HIVEP1: variants seen among roughly 807,000 people sequenced by gnomAD.
The protein encoded by HIVEP1 is HIVEP zinc finger 1.
A neutral mutation model predicts 180.0 loss-of-function variants in HIVEP1; 36 were observed. That is an observed-to-expected ratio of 0.20 (90% CI 0.15 to 0.26). HIVEP1 has a LOEUF of 0.26. Ranked by LOEUF, HIVEP1 falls within the 10% of genes least tolerant of loss-of-function variation. The pLI, the probability that HIVEP1 is intolerant of heterozygous loss-of-function variation, is 1.00. For synonymous variants in HIVEP1, 1,239 were observed against 1,239.0 expected, an observed-to-expected ratio of 1.00 and a Z score of 0.00; for missense variants, 3,143 against 3,268.7, an observed-to-expected ratio of 0.96 and a Z score of 0.94.
chr6:12,099,187 T>TG lies in HIVEP1; in HGVS notation c.94+9950_94+9951insG, dbSNP rs200507041. On this transcript the variant is annotated intron_variant, in intron 3 of 8. Transcript: ENST00000379388. ...GCCAGAGGGAAATGTCACTGAGTTTTTTTTTTTTTTTTGAGACGGAGTCTC... is the reference window on the plus strand; with the variant it reads ...GCCAGAGGGAAATGTCACTGAGTTTTGTTTTTTTTTTTTGAGACGGAGTCTC... Among the ~76,000 whole-genome samples the TG allele has an allele frequency of 1.1e-4, 17 of 150,252 alleles. No homozygotes were observed. The East Asian group carries it at 3.1e-3, about 28-fold the overall frequency.
chr6:12,046,729 A>C (rs1770144806), intron 2 of HIVEP1, among the ~76,000 whole-genome samples: 1 of 151,716 alleles, frequency 6.6e-6, no homozygotes, highest in Non-Finnish European at 1.5e-5. Context: ...CAGTGAGCTG[A>C]GATCGTGCCA....
In HIVEP1 at chr6:12,020,890, C is replaced by CTTTTTTTTTTTTTTTT. The variant is rs70981658; in HGVS notation, c.40+5225_40+5240dup. Among the ~76,000 whole-genome samples the CTTTTTTTTTTTTTTTT allele has an allele frequency of 6.1e-4, 65 of 105,752 alleles. 1 individual carries two copies. Among genetic ancestry groups the CTTTTTTTTTTTTTTTT allele is most frequent in the East Asian group, 1.1e-3 (4 of 3,630 alleles). 69.4% of individuals were successfully genotyped at this position (105,752 alleles called of 152,430 possible). ...GAGAACCAGATTTCTTTCTTTCTTT[C>CTTTTTTTTTTTTTTTT]TTTTTTTTTTTTTTTTTTGAGACGG... On this transcript the variant is annotated intron_variant, in intron 2 of 8. Transcript: ENST00000379388.
At chr6:12,187,743 C>T in the HIVEP1 span, among the ~76,000 whole-genome samples, 6 of 152,054 alleles carry the variant, frequency 3.9e-5, no homozygotes, top group South Asian at 6.2e-4. Flanking sequence ...CAGGTGTGCA[C>T]CACCAGGCCT....
intron 2 of HIVEP1, among the ~76,000 whole-genome samples, chr6:12,028,380 A>T (rs1768721819): frequency 6.6e-6 from 1 of 152,256 alleles, no homozygotes; most frequent in Non-Finnish European, 1.5e-5. Flanking sequence ...AGACAGCTGT[A>T]TGAATATTTG....
intron 2 of HIVEP1, among the ~76,000 whole-genome samples, chr6:12,034,109 A>G (rs777970481): frequency 1.3e-5 from 2 of 152,222 alleles, no homozygotes; most frequent in African/African-American, 2.4e-5. Flanking sequence ...GATAGAGCAG[A>G]ATTGCTGTAG....
Position 12,161,801 on chromosome 6 carries a change from GA to G in HIVEP1, c.6851del (p.Asp2284ValfsTer9). On this transcript the variant is annotated frameshift_variant, in exon 8 of 9. Coordinates refer to ENST00000379388, the MANE Select transcript of HIVEP1 (RefSeq NM_002114.4). LOFTEE classifies it high-confidence loss of function. ...GAAGGCCAGGCAGCGTGCTGCGAGAGATGAAAACGACACAATTCCGTCTGTA... is the reference window on the plus strand; with the variant it reads ...GAAGGCCAGGCAGCGTGCTGCGAGAGTGAAAACGACACAATTCCGTCTGTA... ...PGKARQRAAR[D>X]ENDTIPSVDT... 6.2e-7 allele frequency: 1 copy of G among 1,614,204 alleles called. No individual in the cohort carries two copies. Among genetic ancestry groups the G allele is most frequent in the Non-Finnish European group, 8.5e-7 (1 of 1,180,032 alleles).
At chr6:12,034,510 C>T (rs545800051) in intron 2 of HIVEP1, among the ~76,000 whole-genome samples, 54 of 152,266 alleles carry the variant, frequency 3.5e-4, no homozygotes, top group Non-Finnish European at 4.4e-4. Context: ...GCGACCCTGA[C>T]GCTGCAGTTC....
chr6:12,064,793 T>C (rs1771460518), intron 2 of HIVEP1, among the ~76,000 whole-genome samples: 3 of 152,192 alleles, frequency 2.0e-5, no homozygotes, highest in Admixed American at 2.0e-4. Flanking sequence ...GTTAGATCAG[T>C]TAGTGGCTGC....
chr6:12,167,572 T>TATATATACATGTTATATTACATG (rs1562023387), downstream of HIVEP1, among the ~76,000 whole-genome samples: 2 of 8,576 alleles, frequency 2.3e-4, 1 homozygote, highest in African/African-American at 2.9e-4. Flanking sequence ...TACATGCATG[T>TATATATACATGTTATATTACATG]TATATATACG....
chr6:12,210,893 AT>A, the HIVEP1 span, among the ~76,000 whole-genome samples: 70,597 of 151,320 alleles, frequency 0.47, 16,590 homozygotes, highest in East Asian at 0.69. Context: ...AAAAAAAATC[AT>A]TTTTTTTTTC....
chr6:12,108,952 C>A (rs1357261642), intron 3 of HIVEP1, among the ~76,000 whole-genome samples: 1 of 152,184 alleles, frequency 6.6e-6, no homozygotes, highest in Non-Finnish European at 1.5e-5. Flanking sequence ...TGTCACCTCT[C>A]ATTGCCATTT....
intron 2 of HIVEP1, among the ~76,000 whole-genome samples, chr6:12,058,683 T>C (rs997122883): frequency 3.9e-5 from 6 of 152,180 alleles, no homozygotes; most frequent in Admixed American, 3.9e-4. Context: ...TTCCTAGGTG[T>C]GGCTCCAGCA....
intron 2 of HIVEP1, among the ~76,000 whole-genome samples, chr6:12,036,197 A>G (rs577455568): frequency 1.3e-5 from 2 of 152,358 alleles, no homozygotes; most frequent in African/African-American, 2.4e-5. Context: ...GCAAAAAGAT[A>G]TTTGTTCAAA....
chr6:12,012,072 C>T (rs1010766697), upstream of HIVEP1: 1 of 146,564 alleles, frequency 6.8e-6, no homozygotes, highest in African/African-American at 2.5e-5. Flanking sequence ...CCGCGCCCGT[C>T]CTTCCCGCCC....
At chr6:12,201,962 A>G in the HIVEP1 span, among the ~76,000 whole-genome samples, 2 of 152,164 alleles carry the variant, frequency 1.3e-5, no homozygotes, top group African/African-American at 4.8e-5. Context: ...AAAAATCCAA[A>G]TGCATCCCAT....
chr6:12,020,146 A>G (rs564213574), intron 2 of HIVEP1: 3 of 352,974 alleles, frequency 8.5e-6, no homozygotes, highest in South Asian at 2.2e-5. Flanking sequence ...GGTGATCTGT[A>G]TACTGTGTAG....
chr6:12,171,543 T>G, the HIVEP1 span, among the ~76,000 whole-genome samples: 1 of 152,218 alleles, frequency 6.6e-6, no homozygotes, highest in Middle Eastern at 3.4e-3. Context: ...GGAAATAGGA[T>G]AATCTGGCGG....
At chr6:12,013,174 C>G (rs1225629733) in intron 1 of HIVEP1, among the ~76,000 whole-genome samples, 2 of 150,308 alleles carry the variant, frequency 1.3e-5, no homozygotes, top group African/African-American at 4.9e-5. Context: ...TCTCTGCATC[C>G]ACTCCAGGCT....
the HIVEP1 span, among the ~76,000 whole-genome samples, chr6:12,184,052 GACAGAC>G: frequency 4.7e-4 from 70 of 148,940 alleles, no homozygotes; most frequent in African/African-American, 1.7e-3. Flanking sequence ...CAGACAGACA[GACAGAC>G]AGACTGATTT....
Sources: gnomAD v4.1 joint callset for allele counts (sites outside exome capture counted in the v4.1 genomes callset) on GRCh38, gnomAD v4.1.1 for gene constraint, MANE v1.5 for transcripts, NCBI Gene and HGNC (gene_info 2026-07-23, HGNC 2026-07-21) for gene names.